The following IL1RAPL1 variants were observed in gnomAD, a reference collection of about 807,000 sequenced individuals.
IL1RAPL1 encodes the protein interleukin 1 receptor accessory protein like 1.
A neutral mutation model predicts 48.4 loss-of-function variants in IL1RAPL1; 3 were observed. That is an observed-to-expected ratio of 0.06 (90% CI 0.03 to 0.16). IL1RAPL1 has a LOEUF of 0.16. Ranked by LOEUF, IL1RAPL1 falls within the 10% of genes least tolerant of loss-of-function variation. The pLI is 1.00. For missense variants in IL1RAPL1, 349 were observed against 530.6 expected (o/e 0.66, Z 3.36); for synonymous variants, 185 against 187.7 (o/e 0.99, Z 0.12).
intron 1 of IL1RAPL1, among the ~76,000 whole-genome samples, chrX:28,604,524 C>T (rs1176922317): frequency 9.1e-6 from 1 of 109,764 alleles, no homozygotes; most frequent in African/African-American, 3.3e-5. Context: ...GTCAAGAGAT[C>T]GAGACCATCC....
chrX:29,683,191 T>C (rs1343353572), intron 6 of IL1RAPL1, among the ~76,000 whole-genome samples: 1 of 111,764 alleles, frequency 8.9e-6, no homozygotes, highest in Non-Finnish European at 1.9e-5. Context: ...GGGCACAAGG[T>C]CTGGTCAAAT....
intron 5 of IL1RAPL1, among the ~76,000 whole-genome samples, chrX:29,502,455 G>A (rs1271110347): frequency 9.0e-6 from 1 of 111,174 alleles, no homozygotes; most frequent in Non-Finnish European, 1.9e-5. Flanking sequence ...TGTGGGTTTA[G>A]CATATATGCA....
At chrX:29,175,040 C>T (rs1237546814) in intron 2 of IL1RAPL1, among the ~76,000 whole-genome samples, 15 of 98,191 alleles carry the variant, frequency 1.5e-4, no homozygotes, top group Non-Finnish European at 2.2e-4. Context: ...CGGCACTGCA[C>T]TCCAGCCTGG....
At chrX:28,855,841 G>GA (rs767010926) in intron 2 of IL1RAPL1, among the ~76,000 whole-genome samples, 7 of 111,179 alleles carry the variant, frequency 6.3e-5, no homozygotes, top group Non-Finnish European at 1.3e-4. Flanking sequence ...ATACAAATAG[G>GA]AAAAATCTTA....
intron 5 of IL1RAPL1, among the ~76,000 whole-genome samples, chrX:29,603,032 G>A (rs747994608): frequency 8.9e-6 from 1 of 111,775 alleles, no homozygotes; most frequent in South Asian, 3.7e-4. Context: ...TTGGGAGGCC[G>A]AGGCGGGTGG....
chrX:29,645,780 A>T (rs1303435344), intron 5 of IL1RAPL1, among the ~76,000 whole-genome samples: 1 of 111,803 alleles, frequency 8.9e-6, no homozygotes, highest in Non-Finnish European at 1.9e-5. Context: ...AACATTGGTG[A>T]CCATAGGATT....
intron 8 of IL1RAPL1, among the ~76,000 whole-genome samples, chrX:29,924,330 T>C (rs1932868819): frequency 8.9e-6 from 1 of 112,169 alleles, no homozygotes; most frequent in Admixed American, 9.5e-5. Flanking sequence ...GCTCCAGCAA[T>C]TTTGTTCTGT....
intron 1 of IL1RAPL1, among the ~76,000 whole-genome samples, chrX:28,752,568 G>A (rs10521946): frequency 0.22 from 24,211 of 111,619 alleles, 2,095 homozygotes; most frequent in Middle Eastern, 0.39. Context: ...TGTTTAGGAA[G>A]TACCCAGTGG....
At chrX:29,198,529 C>T (rs1930490174) in intron 2 of IL1RAPL1, among the ~76,000 whole-genome samples, 1 of 110,601 alleles carries the variant, frequency 9.0e-6, no homozygotes, top group African/African-American at 3.3e-5. Flanking sequence ...CTCCTGACCT[C>T]ATGATCCACC....
intron 2 of IL1RAPL1, among the ~76,000 whole-genome samples, chrX:28,870,543 C>T (rs958144230): frequency 4.5e-5 from 5 of 111,577 alleles, no homozygotes; most frequent in African/African-American, 1.6e-4. Context: ...GACATGAACA[C>T]TTCCATAATT....
intron 1 of IL1RAPL1, among the ~76,000 whole-genome samples, chrX:28,646,534 T>TA (rs1020452210): frequency 6.2e-5 from 7 of 112,414 alleles, no homozygotes; most frequent in Admixed American, 2.8e-4. Context: ...TTATCTTTTC[T>TA]AAAAAAAATT....
intron 6 of IL1RAPL1, among the ~76,000 whole-genome samples, chrX:29,691,085 G>A (rs1010575124): frequency 9.0e-6 from 1 of 110,901 alleles, no homozygotes. Flanking sequence ...CATTTATTTG[G>A]AACTGTGTCT....
At chrX:28,887,129 G>A (rs1297384188) in intron 2 of IL1RAPL1, among the ~76,000 whole-genome samples, 2 of 111,327 alleles carry the variant, frequency 1.8e-5, no homozygotes, top group Non-Finnish European at 3.8e-5. Flanking sequence ...CAATGTGGTT[G>A]TATTGAGAGG....
At chrX:29,155,277 G>C (rs962934029) in intron 2 of IL1RAPL1, among the ~76,000 whole-genome samples, 2 of 111,789 alleles carry the variant, frequency 1.8e-5, no homozygotes, top group Non-Finnish European at 3.8e-5. Flanking sequence ...CTCCCAAAGT[G>C]CTGGGATTAC....
rs200430633 is a variant in IL1RAPL1, at chrX:29,644,556, TTG to T, written c.704-23872_704-23871del. 1.5e-4 allele frequency among the ~76,000 whole-genome samples: 16 copies of T among 106,326 alleles called. 2 individuals are homozygous for T. The highest frequency in any genetic ancestry group is 2.5e-4 in the Non-Finnish European group (13 of 51,384). The allele number at this position is 106,326 out of a possible 115,157, so 92.3% of individuals were successfully genotyped here. On this transcript the variant is annotated intron_variant, in intron 5 of 10. Coordinates refer to ENST00000378993, the MANE Select transcript of IL1RAPL1 (RefSeq NM_014271.4). ...CATTGTCTATCATGTGTTTTTTTTT[TTG>T]TTTTGTTTTCTTTTGTTTTTGTTTT...
intron 2 of IL1RAPL1, among the ~76,000 whole-genome samples, chrX:29,030,645 A>G (rs1926597102): frequency 8.9e-6 from 1 of 111,739 alleles, no homozygotes; most frequent in Non-Finnish European, 1.9e-5. Flanking sequence ...ATCTCCTATC[A>G]GGGAAATTGA....
At chrX:29,452,622 A>T (rs1191808215) in intron 5 of IL1RAPL1, among the ~76,000 whole-genome samples, 1 of 111,476 alleles carries the variant, frequency 9.0e-6, no homozygotes, top group Non-Finnish European at 1.9e-5. Flanking sequence ...TTATCAGCTC[A>T]ATGAGAACAT....
chrX:28,687,455 T>G (rs1935123472), intron 1 of IL1RAPL1, among the ~76,000 whole-genome samples: 1 of 112,140 alleles, frequency 8.9e-6, no homozygotes, highest in Non-Finnish European at 1.9e-5. Flanking sequence ...GACCAAAAAA[T>G]TAACGCTTTA....
intron 2 of IL1RAPL1, among the ~76,000 whole-genome samples, chrX:28,891,534 T>C (rs763772142): frequency 1.8e-5 from 2 of 112,310 alleles, no homozygotes; most frequent in East Asian, 5.6e-4. Context: ...GGATATTTCA[T>C]ATGAAATGAA....
Sources: allele counts gnomAD v4.1 joint callset (sites outside exome capture counted in the v4.1 genomes callset), GRCh38; gene constraint gnomAD v4.1.1; transcripts MANE v1.5; gene names NCBI Gene and HGNC (gene_info 2026-07-23, HGNC 2026-07-21).